FTO: variants seen among roughly 807,000 people sequenced by gnomAD.
FTO encodes the protein alpha-ketoglutarate-dependent dioxygenase FTO.
FTO carries 47 observed loss-of-function variants against 63.9 expected under a neutral mutation model. The observed-to-expected ratio is 0.74, with a 90% CI of 0.58 to 0.94. The LOEUF (loss-of-function observed/expected upper bound fraction) is 0.94, where lower values mean the gene tolerates loss of function less well. FTO is among the 40% of genes least tolerant of loss of function. FTO has a pLI of 0.00. For missense variants in FTO, 562 were observed against 618.1 expected (o/e 0.91, Z 0.96); for synonymous variants, 207 against 224.4 (o/e 0.92, Z 0.69).
intron 1 of FTO, among the ~76,000 whole-genome samples, chr16:53,802,864 G>C (rs2078262670): frequency 6.6e-6 from 1 of 152,066 alleles, no homozygotes; most frequent in Non-Finnish European, 1.5e-5. Flanking sequence ...TTGCCTCTCA[G>C]ATATTGTGGA....
At chr16:53,706,856 A>T (rs746630701) in intron 1 of FTO, among the ~76,000 whole-genome samples, 2 of 152,172 alleles carry the variant, frequency 1.3e-5, no homozygotes, top group Non-Finnish European at 2.9e-5. Flanking sequence ...TTGGACTCTT[A>T]TGAAAAAAGC....
intron 7 of FTO, among the ~76,000 whole-genome samples, chr16:53,931,808 A>G (rs570675398): frequency 2.0e-5 from 3 of 151,844 alleles, no homozygotes; most frequent in East Asian, 1.9e-4. Flanking sequence ...TTTGACCCAC[A>G]TGGTATTTTT....
chr16:54,056,039 C>T (rs969582180), intron 8 of FTO, among the ~76,000 whole-genome samples: 2 of 152,220 alleles, frequency 1.3e-5, no homozygotes, highest in African/African-American at 4.8e-5. Context: ...GGCTCATCCT[C>T]ACTTACAATA....
intron 1 of FTO, among the ~76,000 whole-genome samples, chr16:53,768,519 G>C (rs1200825790): frequency 1.3e-5 from 2 of 152,172 alleles, no homozygotes; most frequent in East Asian, 1.9e-4. Context: ...CCGAGTAGAA[G>C]ATGATGCCGG....
intron 2 of FTO, among the ~76,000 whole-genome samples, chr16:53,814,273 C>G (rs141481311): frequency 1.3e-5 from 2 of 152,266 alleles, no homozygotes; most frequent in African/African-American, 4.8e-5. Flanking sequence ...ATTACATAGT[C>G]AGAAAACAAA....
Position 53,914,908 on chromosome 16 carries a change from C to A in FTO, c.1240-19077C>A, listed in dbSNP as rs191137739. On this transcript the variant is annotated intron_variant, in intron 7 of 8. Coordinates refer to ENST00000471389, the MANE Select transcript of FTO (RefSeq NM_001080432.3). ...CCATACTTGAAGGTCAAATGCTTAACCCTTCTGCATGGTTACAATGAAAAT... is the reference window on the plus strand; with the variant it reads ...CCATACTTGAAGGTCAAATGCTTAAACCTTCTGCATGGTTACAATGAAAAT... Among the ~76,000 whole-genome samples the A allele has an allele frequency of 5.5e-3, 834 of 152,254 alleles. 4 individuals carry two copies. The highest frequency in any genetic ancestry group is 8.7e-3 in the Non-Finnish European group (589 of 68,028).
At chr16:54,058,407 G>A (rs2085489609) in intron 8 of FTO, among the ~76,000 whole-genome samples, 2 of 152,174 alleles carry the variant, frequency 1.3e-5, no homozygotes, top group Non-Finnish European at 2.9e-5. Context: ...ACAGGCGTGA[G>A]CCACCACGCC....
At chr16:53,924,655 G>A (rs1298022805) in intron 7 of FTO, among the ~76,000 whole-genome samples, 1 of 152,188 alleles carries the variant, frequency 6.6e-6, no homozygotes, top group Non-Finnish European at 1.5e-5. Context: ...AAGTAGTCCA[G>A]TAGACGTGGC....
At chr16:53,751,339 T>A (rs2151571237) in intron 1 of FTO, among the ~76,000 whole-genome samples, 1 of 152,172 alleles carries the variant, frequency 6.6e-6, no homozygotes, top group Admixed American at 6.5e-5. Flanking sequence ...GTGCCTGTAG[T>A]CCCAGCTATT....
chr16:53,935,619 G>A (rs1486818984), intron 8 of FTO: 1 of 152,058 alleles, frequency 6.6e-6, no homozygotes, highest in Non-Finnish European at 1.5e-5. Context: ...ATGTTGCCCA[G>A]GCTGGTCTTA....
At chr16:53,984,996 G>A (rs1210219620) in intron 8 of FTO, 8 of 456,222 alleles carry the variant, frequency 1.8e-5, no homozygotes, top group Non-Finnish European at 2.6e-5. Flanking sequence ...TGCCATTGAT[G>A]TCCTTCCAAA....
intron 6 of FTO, among the ~76,000 whole-genome samples, chr16:53,883,766 A>G (rs1167823795): frequency 1.3e-5 from 2 of 151,774 alleles, no homozygotes; most frequent in African/African-American, 2.4e-5. Flanking sequence ...AGAGAGATTG[A>G]TCTTGAATTT....
At chr16:54,056,529 G>C (rs776422150) in intron 8 of FTO, among the ~76,000 whole-genome samples, 1 of 152,206 alleles carries the variant, frequency 6.6e-6, no homozygotes, top group Non-Finnish European at 1.5e-5. Context: ...GAATAAACTA[G>C]GTTACAAAAG....
chr16:53,922,937 A>G (rs1176115526), intron 7 of FTO: 2 of 152,244 alleles, frequency 1.3e-5, no homozygotes, highest in East Asian at 3.9e-4. Context: ...TTCAGAAGCT[A>G]GAGTGATTCC....
At chr16:54,069,972 C>T (rs2085827032) in intron 8 of FTO, 1 of 152,148 alleles carries the variant, frequency 6.6e-6, no homozygotes, top group African/African-American at 2.4e-5. Flanking sequence ...ACTTAACTTT[C>T]TCTATGCCTT....
chr16:54,081,720 C>T (rs1599335394), intron 8 of FTO, among the ~76,000 whole-genome samples: 1 of 152,140 alleles, frequency 6.6e-6, no homozygotes, highest in Non-Finnish European at 1.5e-5. Context: ...ACAGCCTCAC[C>T]GAACAGATGG....
At position 54,121,001 on chromosome 16, in the gene FTO, C is replaced by G. The variant is rs1163270851; in HGVS notation, c.*9086C>G. 6.6e-6 allele frequency: 1 copy of G among 152,524 alleles called. No individual in the cohort carries two copies. The highest frequency in any genetic ancestry group is 1.5e-5 in the Non-Finnish European group (1 of 68,056). The allele number at this position is 152,524 out of a possible 1,614,324, so 9.4% of individuals were successfully genotyped here. A position where few individuals can be genotyped will look rare whatever the true frequency, so the allele number is the denominator to read the frequency against. The stretch of plus-strand genomic sequence containing the variant: ...GAAACCACCGTAGTAAAATTGAAAG[C>G]TGGAGTCAGCAAAGTATAGCCCACA... On this transcript the variant is annotated 3_prime_UTR_variant, in exon 9 of 9. Transcript: ENST00000471389.
intron 1 of FTO, among the ~76,000 whole-genome samples, chr16:53,724,003 A>G (rs2076097002): frequency 6.6e-6 from 1 of 152,224 alleles, no homozygotes; most frequent in South Asian, 2.1e-4. Context: ...AAGATGTTTT[A>G]GATATTAAAC....
Position 53,825,809 on chromosome 16 carries a change from A to G in FTO, c.124-55A>G. On this transcript the variant is annotated intron_variant, in intron 2 of 8. Coordinates refer to ENST00000471389, the MANE Select transcript of FTO (RefSeq NM_001080432.3). ...CTTACAAAGAAACACACCTTTGGAAATAATACAATTGTAGCTATATATCAA... is the reference window on the plus strand; with the variant it reads ...CTTACAAAGAAACACACCTTTGGAAGTAATACAATTGTAGCTATATATCAA... The G allele has an allele frequency of 2.5e-6, 4 of 1,594,638 alleles. No homozygotes were observed. The Admixed American group carries it at 5.0e-5, about 20-fold the overall frequency.
Sources: allele counts gnomAD v4.1 joint callset (sites outside exome capture counted in the v4.1 genomes callset), GRCh38; gene constraint gnomAD v4.1.1; transcripts MANE v1.5; gene names NCBI Gene and HGNC (gene_info 2026-07-23, HGNC 2026-07-21).